Variants in ITPK1 observed in about 807,000 individuals in gnomAD.
ITPK1 encodes inositol 1,3,4-trisphosphate 5/6-kinase.
In ITPK1, 21 loss-of-function variants were observed where a neutral mutation model predicts 45.3. The observed-to-expected ratio is 0.46, with a 90% CI of 0.33 to 0.67. ITPK1 has a LOEUF of 0.67. Ranked by LOEUF, ITPK1 falls within the 30% of genes least tolerant of loss-of-function variation. ITPK1 has a pLI of 0.02. For synonymous variants in ITPK1, 258 were observed against 253.6 expected (o/e 1.02, Z -0.16); for missense variants, 474 against 573.5 (o/e 0.83, Z 1.77).
At chr14:93,107,257 CA>C (rs1892563662) in intron 2 of ITPK1, among the ~76,000 whole-genome samples, 1 of 152,190 alleles carries the variant, frequency 6.6e-6, no homozygotes, top group Non-Finnish European at 1.5e-5. Context: ...CACACCCAGC[CA>C]CTAACAGATT....
At chr14:93,039,097 G>A (rs962403106) in intron 3 of ITPK1, among the ~76,000 whole-genome samples, 50 of 151,986 alleles carry the variant, frequency 3.3e-4, no homozygotes, top group African/African-American at 1.1e-3. Context: ...GCCTGCATAC[G>A]CCCAGCTCTC....
intron 3 of ITPK1, among the ~76,000 whole-genome samples, chr14:93,060,235 C>T (rs1218245239): frequency 6.6e-6 from 1 of 152,168 alleles, no homozygotes; most frequent in African/African-American, 2.4e-5. Flanking sequence ...CTCTAGGTGC[C>T]TCACCAGCCC....
chr14:93,080,157 C>T (rs1238940055), intron 2 of ITPK1, among the ~76,000 whole-genome samples: 1 of 152,200 alleles, frequency 6.6e-6, no homozygotes, highest in Non-Finnish European at 1.5e-5. Flanking sequence ...ACCCTGTGTG[C>T]TGTAGATAAT....
intron 5 of ITPK1, among the ~76,000 whole-genome samples, chr14:92,989,200 G>A (rs1219544697): frequency 6.6e-6 from 1 of 152,198 alleles, no homozygotes; most frequent in East Asian, 1.9e-4. Flanking sequence ...TGGCCTCTAA[G>A]ATGAGCCCTA....
rs539077038 is a variant in ITPK1, at chr14:93,012,786, T to C, written c.246+3890A>G. On this transcript the variant is annotated intron_variant, in intron 4 of 10. Transcript: ENST00000267615. The surrounding 1 kb of genome is among the most constrained non-coding windows in gnomAD (Gnocchi z 4.9). ...GATAAAGACAGGGCAAAGGCAGCAGTTGAGACTGAAACTTCCTTCTTAGTC... is the reference window on the plus strand; with the variant it reads ...GATAAAGACAGGGCAAAGGCAGCAGCTGAGACTGAAACTTCCTTCTTAGTC... Among the ~76,000 whole-genome samples, 5 of 152,176 alleles carry C rather than the reference T, an allele frequency of 3.3e-5. No homozygotes were observed. The highest frequency in any genetic ancestry group is 1.2e-4 in the African/African-American group (5 of 41,442).
At chr14:92,954,303 G>A (rs1049710913) in intron 8 of ITPK1, among the ~76,000 whole-genome samples, 1 of 152,202 alleles carries the variant, frequency 6.6e-6, no homozygotes, top group Admixed American at 6.5e-5. Flanking sequence ...AACAGGGGTC[G>A]GAGGGAGTAG....
intron 4 of ITPK1, 124 bp from the exon 5 acceptor site, chr14:92,994,121 T>C: frequency 1.5e-6 from 1 of 669,970 alleles, no homozygotes. Flanking sequence ...TGGTGGAGGG[T>C]GGTGCATTCC....
chr14:92,987,244 C>G (rs1418055094), intron 5 of ITPK1, among the ~76,000 whole-genome samples: 1 of 152,176 alleles, frequency 6.6e-6, no homozygotes, highest in African/African-American at 2.4e-5. Flanking sequence ...GGAGATGGCA[C>G]AGAAAGGGCT....
intron 2 of ITPK1, among the ~76,000 whole-genome samples, chr14:93,084,164 C>G (rs779497109): frequency 2.2e-4 from 33 of 152,212 alleles, no homozygotes; most frequent in Non-Finnish European, 3.5e-4. Flanking sequence ...TGCCACCCAC[C>G]AGCAGAGCCA....
chr14:93,048,192 G>A (rs190180624), intron 3 of ITPK1, among the ~76,000 whole-genome samples: 1 of 152,268 alleles, frequency 6.6e-6, no homozygotes, highest in East Asian at 1.9e-4. Context: ...CATCCTTTTG[G>A]GCACCTACAT....
At chr14:93,064,074 G>C (rs1230991694) in intron 3 of ITPK1, among the ~76,000 whole-genome samples, 1 of 152,150 alleles carries the variant, frequency 6.6e-6, no homozygotes, top group East Asian at 1.9e-4. Context: ...ACGAGGTCAG[G>C]AGATTGAGAC....
intron 3 of ITPK1, among the ~76,000 whole-genome samples, chr14:93,060,429 A>G (rs1203537280): frequency 6.6e-6 from 1 of 152,174 alleles, no homozygotes; most frequent in Non-Finnish European, 1.5e-5. Flanking sequence ...CACAGAGACG[A>G]GCACAGAACC....
At chr14:93,022,024 G>GTGC (rs568284463) in intron 3 of ITPK1, among the ~76,000 whole-genome samples, 84 of 152,280 alleles carry the variant, frequency 5.5e-4, no homozygotes, top group African/African-American at 2.0e-3. Context: ...CCTGAGGATG[G>GTGC]TGCTACCTTG....
intron 3 of ITPK1, among the ~76,000 whole-genome samples, chr14:93,065,572 C>T (rs902472380): frequency 1.8e-4 from 28 of 152,218 alleles, no homozygotes; most frequent in African/African-American, 5.5e-4. Context: ...CTGTCCAGTT[C>T]TAAGTCCAGG....
At position 93,074,999 on chromosome 14, in the gene ITPK1, C is replaced by T. The variant is rs1891157027; in HGVS notation, c.120+1596G>A. Among the ~76,000 whole-genome samples the T allele has an allele frequency of 2.0e-5, 3 of 152,202 alleles. No homozygotes were observed. In the South Asian group the frequency reaches 6.2e-4, roughly 32 times the overall value. On this transcript the variant is annotated intron_variant, in intron 3 of 10. Coordinates refer to ENST00000267615, the MANE Select transcript of ITPK1 (RefSeq NM_014216.6). ...GCCATTCCTGAATTCCAGTATCCCC[C>T]ACTTGATGATGGAGAAATTAAAGCC...
At chr14:92,961,394 C>T (rs895547781) in intron 7 of ITPK1, among the ~76,000 whole-genome samples, 3 of 152,262 alleles carry the variant, frequency 2.0e-5, no homozygotes, top group Admixed American at 1.3e-4. Flanking sequence ...ATGCATCTGT[C>T]TCCTGGTCTC....
intron 5 of ITPK1, among the ~76,000 whole-genome samples, chr14:92,964,164 A>G (rs1409861262): frequency 6.6e-6 from 1 of 152,162 alleles, no homozygotes; most frequent in Non-Finnish European, 1.5e-5. Context: ...AACTCCAAAC[A>G]GAAAGATTTG....
At chr14:92,975,966 G>A (rs905353425) in intron 5 of ITPK1, among the ~76,000 whole-genome samples, 3 of 152,198 alleles carry the variant, frequency 2.0e-5, no homozygotes, top group African/African-American at 7.2e-5. Context: ...CTCCCCCCAT[G>A]CTCCCCTGCT....
chr14:93,077,474 C>T (rs1195275651), intron 2 of ITPK1, among the ~76,000 whole-genome samples: 3 of 152,174 alleles, frequency 2.0e-5, no homozygotes, highest in East Asian at 1.9e-4. Flanking sequence ...CCCACCACCA[C>T]GCCCGGCTAA....
Sources: allele counts gnomAD v4.1 joint callset (sites outside exome capture counted in the v4.1 genomes callset), GRCh38; gene constraint gnomAD v4.1.1; non-coding constraint Gnocchi (gnomAD v3.1); transcripts MANE v1.5; gene names NCBI Gene and HGNC (gene_info 2026-07-23, HGNC 2026-07-21).